The following CPO variants were observed in gnomAD, a reference collection of about 807,000 sequenced individuals.
CPO encodes the protein metallocarboxypeptidase C.
In CPO, 43 loss-of-function variants were observed where a neutral mutation model predicts 41.2. The ratio of observed to expected loss-of-function variants is 1.04; its 90% CI spans 0.82 to 1.35. The LOEUF is 1.35. Ranked by LOEUF, CPO falls within the 40% of genes most tolerant of loss-of-function variation. The probability of loss-of-function intolerance (pLI) is 0.00; values close to 1 mark genes in which losing one functional copy is unlikely to be tolerated. For missense variants in CPO, 408 were observed against 451.7 expected (o/e 0.90, Z 0.88); for synonymous variants, 178 against 162.7 (o/e 1.09, Z -0.72).
chr2:206,946,219 G>GA (rs1290971863), intron 1 of CPO, among the ~76,000 whole-genome samples: 1 of 151,932 alleles, frequency 6.6e-6, no homozygotes. Context: ...AACACAGATA[G>GA]AAAAATCTTC....
intron 7 of CPO, among the ~76,000 whole-genome samples, chr2:206,964,134 C>T (rs1428870026): frequency 2.6e-5 from 4 of 152,144 alleles, no homozygotes; most frequent in African/African-American, 7.2e-5. Flanking sequence ...ATACCTTTTG[C>T]ACATCTCCCT....
At chr2:206,968,601 A>G (rs187881407) in intron 8 of CPO, among the ~76,000 whole-genome samples, 1 of 152,374 alleles carries the variant, frequency 6.6e-6, no homozygotes, top group Non-Finnish European at 1.5e-5. Flanking sequence ...CTTCAGTTAA[A>G]AAGAGCTGGC....
At chr2:206,939,920 C>T (rs1315521304) in intron 1 of CPO, among the ~76,000 whole-genome samples, 3 of 151,966 alleles carry the variant, frequency 2.0e-5, no homozygotes, top group Non-Finnish European at 2.9e-5. Flanking sequence ...ATAGACATGT[C>T]ATGTTTTGTG....
At position 206,955,584 on chromosome 2, in the gene CPO, A is replaced by G. The variant is rs1235606459; in HGVS notation, c.267+20A>G. The G allele has an allele frequency of 3.2e-6, 4 of 1,234,208 alleles. No homozygotes were observed. The highest frequency in any genetic ancestry group is 4.8e-6 in the Non-Finnish European group (4 of 832,310). 76.5% of individuals were successfully genotyped at this position (1,234,208 alleles called of 1,614,324 possible). ...CTGAAGGTGAGTGAGAAGGCTGAGAATTACCTTACCAGGAGAATTATCCAG... is the reference window on the plus strand; with the variant it reads ...CTGAAGGTGAGTGAGAAGGCTGAGAGTTACCTTACCAGGAGAATTATCCAG... On this transcript the variant is annotated intron_variant, in intron 3 of 8. Coordinates refer to ENST00000272852, the MANE Select transcript of CPO (RefSeq NM_173077.3).
At chr2:206,948,178 GTTC>G (rs1308156939) in intron 1 of CPO, among the ~76,000 whole-genome samples, 1 of 152,184 alleles carries the variant, frequency 6.6e-6, no homozygotes, top group Non-Finnish European at 1.5e-5. Context: ...CAACCAGGGT[GTTC>G]TTCAGTAGAT....
At chr2:206,943,719 ATG>A (rs1443721871) in intron 1 of CPO, among the ~76,000 whole-genome samples, 137 of 67,888 alleles carry the variant, frequency 2.0e-3, no homozygotes, top group Admixed American at 3.0e-3. Flanking sequence ...TAGATAGATG[ATG>A]GATAGATGAT....
intron 7 of CPO, among the ~76,000 whole-genome samples, chr2:206,965,241 T>C (rs940654095): frequency 1.3e-5 from 2 of 152,198 alleles, no homozygotes; most frequent in African/African-American, 4.8e-5. Context: ...ATAAAAAGAC[T>C]GTGAATATTT....
chr2:206,966,353 A>T (rs2105830022), intron 7 of CPO, among the ~76,000 whole-genome samples: 1 of 148,064 alleles, frequency 6.8e-6, no homozygotes, highest in African/African-American at 2.6e-5. Context: ...GTTCCATTTA[A>T]AAAAAAAAAT....
intron 7 of CPO, among the ~76,000 whole-genome samples, chr2:206,963,239 T>C (rs1693513323): frequency 6.6e-6 from 1 of 152,244 alleles, no homozygotes; most frequent in African/African-American, 2.4e-5. Context: ...CTGGGCTCTT[T>C]GCCCTTTTGT....
At position 206,969,316 on chromosome 2, in the gene CPO, G is replaced by A; in HGVS notation, c.1005G>A (p.Glu335=). The A allele has an allele frequency of 6.2e-7, 1 of 1,614,106 alleles. No individual in the cohort carries two copies. The highest frequency in any genetic ancestry group is 8.5e-7 in the Non-Finnish European group (1 of 1,180,008). ...QIQPTCEETM[E]AVLSVLDDVY... is the part of the protein sequence containing the mutation. The stretch of plus-strand genomic sequence containing the variant: ...AGCCCACCTGTGAGGAGACCATGGA[G>A]GCTGTGCTGTCAGTCCTGGATGATG... The change falls in exon 9 of 9, where the codon GAG becomes GAA. Residue 335 remains glutamate (E), a synonymous_variant. Transcript: ENST00000272852.
chr2:206,967,748 G>A (rs1036231897), intron 7 of CPO, among the ~76,000 whole-genome samples: 1 of 152,174 alleles, frequency 6.6e-6, no homozygotes. Context: ...CAAAAACTAG[G>A]CTGAGAAGTT....
intron 1 of CPO, among the ~76,000 whole-genome samples, chr2:206,944,204 G>C (rs1389091940): frequency 2.0e-5 from 3 of 151,900 alleles, no homozygotes; most frequent in Non-Finnish European, 4.4e-5. Flanking sequence ...TGCTCAGTAA[G>C]GGTTAACTAT....
At position 206,962,543 on chromosome 2, in the gene CPO, C is replaced by A. The variant is rs1013155662; in HGVS notation, c.706C>A (p.His236Asn). The change falls in exon 7 of 9, where the codon CAC (histidine) becomes AAC (asparagine). Residue 236 changes from histidine to asparagine, a missense_variant. By Grantham distance (68) the His-to-Asn change is moderately conservative (BLOSUM62 1). Coordinates refer to ENST00000272852, the MANE Select transcript of CPO (RefSeq NM_173077.3). ...KDDILCFLTM[H>N]SYGQLILTPY... is the part of the protein sequence containing the mutation. ...TGATATTTTGTGCTTCCTGACCATGCACTCTTATGGGCAGTTAATTCTCAC... is the reference window on the plus strand; with the variant it reads ...TGATATTTTGTGCTTCCTGACCATGAACTCTTATGGGCAGTTAATTCTCAC... 1 of 1,613,994 alleles carries A rather than the reference C, an allele frequency of 6.2e-7. No individual in the cohort carries two copies. The highest frequency in any genetic ancestry group is 1.3e-5 in the African/African-American group (1 of 74,920).
At chr2:206,948,051 A>G (rs1260977547) in intron 1 of CPO, among the ~76,000 whole-genome samples, 1 of 152,224 alleles carries the variant, frequency 6.6e-6, no homozygotes, top group Non-Finnish European at 1.5e-5. Context: ...CTCTTACCAT[A>G]TTATCCAACC....
At position 206,960,951 on chromosome 2, in the gene CPO, A is replaced by C. The variant is rs1175595077; in HGVS notation, c.574+9A>C. On this transcript the variant is annotated intron_variant, in intron 6 of 8. Coordinates refer to ENST00000272852, the MANE Select transcript of CPO (RefSeq NM_173077.3). ...CAATGCATCTTGGTGTAGTAAGTAC[A>C]TGCTTAGTAGATGAATTATGAACAA... 1.3e-6 allele frequency: 2 copies of C among 1,510,636 alleles called. No homozygotes were observed. The highest frequency in any genetic ancestry group is 1.8e-6 in the Non-Finnish European group (2 of 1,085,572). 93.6% of individuals were successfully genotyped at this position (1,510,636 alleles called of 1,614,324 possible).
chr2:206,942,093 A>T (rs552055252), intron 1 of CPO, among the ~76,000 whole-genome samples: 1 of 152,298 alleles, frequency 6.6e-6, no homozygotes, highest in African/African-American at 2.4e-5. Flanking sequence ...AGCATAGAAG[A>T]AAATATTTAA....
intron 2 of CPO, among the ~76,000 whole-genome samples, chr2:206,952,489 G>A (rs1254764290): frequency 6.6e-6 from 1 of 152,160 alleles, no homozygotes; most frequent in Non-Finnish European, 1.5e-5. Flanking sequence ...TAAGAGGTGT[G>A]AAATGCTGAT....
chr2:206,958,035 T>C (rs1258028801), intron 3 of CPO, among the ~76,000 whole-genome samples: 1 of 152,144 alleles, frequency 6.6e-6, no homozygotes, highest in Non-Finnish European at 1.5e-5. Flanking sequence ...ATTTAAGGTA[T>C]AGGGAAGATC....
chr2:206,951,292 T>C (rs1473021218), intron 2 of CPO, among the ~76,000 whole-genome samples: 1 of 152,212 alleles, frequency 6.6e-6, no homozygotes, highest in African/African-American at 2.4e-5. Context: ...AATATTTGTA[T>C]TGCTATTAAG....
Sources: gnomAD v4.1 joint callset for allele counts (sites outside exome capture counted in the v4.1 genomes callset) on GRCh38, gnomAD v4.1.1 for gene constraint, MANE v1.5 for transcripts, NCBI Gene and HGNC (gene_info 2026-07-23, HGNC 2026-07-21) for gene names.